PCDHGA6: variants seen among roughly 807,000 people sequenced by gnomAD.
PCDHGA6 encodes the protein protocadherin gamma-A6.
Under a neutral mutation model 60.6 loss-of-function variants are expected in PCDHGA6, and 41 were observed. The ratio of observed to expected loss-of-function variants is 0.68; its 90% confidence interval spans 0.53 to 0.88. The LOEUF (loss-of-function observed/expected upper bound fraction) is 0.88. Among genes scored for constraint, PCDHGA6 ranks in the 40% least tolerant of loss-of-function variants. The probability of loss-of-function intolerance (pLI) is 0.00; values close to 1 mark genes in which losing one functional copy is unlikely to be tolerated. For missense variants in PCDHGA6, 1,312 were observed against 1,203.0 expected, an observed-to-expected ratio of 1.09 and a Z score of -1.34; for synonymous variants, 594 against 524.4, an observed-to-expected ratio of 1.13 and a Z score of -1.81.
intron 1 of PCDHGA6, chr5:141,396,148 A>G (rs1589277067): frequency 6.6e-6 from 1 of 152,328 alleles, no homozygotes; most frequent in South Asian, 2.1e-4. Context: ...AAGCTGATCA[A>G]TTCAATTAAA....
At chr5:141,452,251 ACT>A (rs899414988) in intron 1 of PCDHGA6, among the ~76,000 whole-genome samples, 29 of 152,204 alleles carry the variant, frequency 1.9e-4, no homozygotes, top group African/African-American at 6.7e-4. Flanking sequence ...TTTTGCCATA[ACT>A]CTCTCATTTT....
chr5:141,389,118 C>A (rs2091610213), intron 1 of PCDHGA6: 1 of 1,613,888 alleles, frequency 6.2e-7, no homozygotes, highest in Admixed American at 1.7e-5. Context: ...AGACCGCGAG[C>A]AGAATCCAGA....
intron 1 of PCDHGA6, among the ~76,000 whole-genome samples, chr5:141,449,636 TA>T (rs1448731592): frequency 7.3e-5 from 11 of 150,610 alleles, no homozygotes; most frequent in Non-Finnish European, 1.2e-4. Flanking sequence ...AAGATGTATC[TA>T]TATATACATA....
chr5:141,399,527 T>C lies in PCDHGA6; in HGVS notation c.2424+23020T>C, dbSNP rs781680585. ...GAAAACAACCCTCCTGGGGCCTCCA[T>C]CGCGCAAGTCTGCGCCTCGGACCTG... is the stretch of plus-strand genomic sequence containing the variant. On this transcript the variant is annotated intron_variant, in intron 1 of 3. Transcript: ENST00000517434. The C allele has an allele frequency of 1.4e-4, 229 of 1,613,898 alleles. No homozygotes were observed. The highest frequency in any genetic ancestry group is 1.9e-4 in the Non-Finnish European group (225 of 1,179,892).
chr5:141,393,984 C>G (rs1176875822), intron 1 of PCDHGA6: 1 of 1,613,570 alleles, frequency 6.2e-7, no homozygotes, highest in South Asian at 1.1e-5. Flanking sequence ...TGATAATTTA[C>G]CTTTTAAATT....
At chr5:141,481,462 C>T (rs1395867714) in intron 1 of PCDHGA6, among the ~76,000 whole-genome samples, 1 of 152,162 alleles carries the variant, frequency 6.6e-6, no homozygotes. Flanking sequence ...ACACTGAAAA[C>T]CATTGGATTA....
At chr5:141,422,769 T>C (rs1274700138) in intron 1 of PCDHGA6, 1 of 1,613,852 alleles carries the variant, frequency 6.2e-7, no homozygotes, top group Admixed American at 1.7e-5. Context: ...ACACTGGTGT[T>C]CTCTATGCCC....
At chr5:141,501,550 A>G (rs1251701030) in intron 2 of PCDHGA6, among the ~76,000 whole-genome samples, 3 of 152,078 alleles carry the variant, frequency 2.0e-5, no homozygotes, top group Non-Finnish European at 4.4e-5. Flanking sequence ...ATAAGATCAT[A>G]GGCCCTGGAA....
At chr5:141,413,444 C>T (rs2095641519) in intron 1 of PCDHGA6, 2 of 1,613,998 alleles carry the variant, frequency 1.2e-6, no homozygotes, top group Non-Finnish European at 1.7e-6. Context: ...AGCTTGATCA[C>T]CGCGGGCAGG....
At position 141,432,143 on chromosome 5, in the gene PCDHGA6, C is replaced by A; in HGVS notation, c.2424+55636C>A. The A allele has an allele frequency of 6.2e-7, 1 of 1,614,084 alleles. No homozygotes were observed. Among genetic ancestry groups the A allele is most frequent in the South Asian group, 1.1e-5 (1 of 91,068 alleles). On this transcript the variant is annotated intron_variant, in intron 1 of 3. Transcript: ENST00000517434. The surrounding 1 kb of genome is among the most constrained non-coding windows in gnomAD (Gnocchi z 6.0). ...TCAGGCCTCCTATTCCGCTTATATC[C>A]CAGAGAACAATCCCAGAGGAGTTTC... is the stretch of plus-strand genomic sequence containing the variant.
intron 1 of PCDHGA6, chr5:141,427,884 G>T (rs1346875505): frequency 5.1e-6 from 8 of 1,564,634 alleles, no homozygotes; most frequent in African/African-American, 2.7e-5. Flanking sequence ...GCAGGCCCAC[G>T]ACCAGGGCTC....
chr5:141,460,142 G>A (rs932507660), intron 1 of PCDHGA6, among the ~76,000 whole-genome samples: 5 of 151,950 alleles, frequency 3.3e-5, no homozygotes, highest in African/African-American at 1.2e-4. Flanking sequence ...TATTCTTGAT[G>A]TGAGCTCTTT....
chr5:141,457,279 G>A (rs948609305), intron 1 of PCDHGA6, among the ~76,000 whole-genome samples: 2 of 152,190 alleles, frequency 1.3e-5, no homozygotes, highest in African/African-American at 4.8e-5. Flanking sequence ...GTGGGCCTAC[G>A]AAGTTCCTTG....
intron 1 of PCDHGA6, chr5:141,419,166 A>G: frequency 6.2e-7 from 1 of 1,613,944 alleles, no homozygotes; most frequent in Non-Finnish European, 8.5e-7. Context: ...TCCTCCAGCA[A>G]AACCATAACC....
Position 141,390,134 on chromosome 5 carries a change from C to T in PCDHGA6, c.2424+13627C>T, listed in dbSNP as rs758087998. ...GCGAGGGGACTTTGCCTTATTCCTACAATCTATGTGTTGCACATACAGGAA... is the reference window on the plus strand; with the variant it reads ...GCGAGGGGACTTTGCCTTATTCCTATAATCTATGTGTTGCACATACAGGAA... On this transcript the variant is annotated intron_variant, in intron 1 of 3. Coordinates refer to ENST00000517434, the MANE Select transcript of PCDHGA6 (RefSeq NM_018919.3). The T allele has an allele frequency of 1.2e-5, 20 of 1,613,930 alleles. No homozygotes were observed. The Admixed American group carries it at 1.8e-4, about 15-fold the overall frequency.
rs1388608588 is a variant in PCDHGA6 at position 141,481,102 on chromosome 5, A to T, written c.2425-13705A>T. The stretch of plus-strand genomic sequence containing the variant: ...GAAAAAAGAAAAGCAGTACTCTGGA[A>T]CCTACCAATCCATCATTTAGCATAT... On this transcript the variant is annotated intron_variant, in intron 1 of 3. Transcript: ENST00000517434. 3.3e-5 allele frequency among the ~76,000 whole-genome samples: 5 copies of T among 152,288 alleles called. No individual in the cohort carries two copies. The East Asian group carries it at 7.7e-4, about 24-fold the overall frequency.
chr5:141,377,843 A>C (rs1774391445), intron 1 of PCDHGA6: 1 of 152,166 alleles, frequency 6.6e-6, no homozygotes, highest in Admixed American at 6.5e-5. Flanking sequence ...ATTATCTTCC[A>C]ATTAAAATTA....
chr5:141,448,669 G>A (rs553283446), intron 1 of PCDHGA6, among the ~76,000 whole-genome samples: 13 of 152,136 alleles, frequency 8.5e-5, no homozygotes, highest in African/African-American at 7.2e-5. Flanking sequence ...GGCCGGGCGC[G>A]GTGGCTCACG....
chr5:141,400,538 A>C (rs994052728), intron 1 of PCDHGA6: 5 of 1,613,662 alleles, frequency 3.1e-6, no homozygotes, highest in Non-Finnish European at 4.2e-6. Context: ...AGTTTCATTT[A>C]TGTCTATTCT....
Sources: gnomAD v4.1 joint callset for allele counts (sites outside exome capture counted in the v4.1 genomes callset) on GRCh38, gnomAD v4.1.1 for gene constraint, Gnocchi (gnomAD v3.1) non-coding constraint, MANE v1.5 for transcripts, NCBI Gene and HGNC (gene_info 2026-07-23, HGNC 2026-07-21) for gene names.